The following SUZ12 variants were observed in gnomAD, a reference collection of about 807,000 sequenced individuals.
SUZ12 encodes the protein SUZ12 polycomb repressive complex 2 subunit.
A neutral mutation model predicts 87.3 loss-of-function variants in SUZ12; 17 were observed. The observed-to-expected ratio is 0.19, with a 90% CI of 0.13 to 0.29. SUZ12 has a LOEUF of 0.29. Among genes scored for constraint, SUZ12 ranks in the 10% least tolerant of loss-of-function variants. The probability of loss-of-function intolerance (pLI) is 1.00; values close to 1 mark genes in which losing one functional copy is unlikely to be tolerated. For missense variants in SUZ12, 526 were observed against 912.2 expected (o/e 0.58, Z 5.45); for synonymous variants, 253 against 312.4 (o/e 0.81, Z 2.01).
chr17:31,998,684 A>T lies in SUZ12; in HGVS notation c.1901A>T (p.His634Leu), dbSNP rs1910109107. The T allele has an allele frequency of 1.3e-6, 2 of 1,567,818 alleles. No homozygotes were observed. The highest frequency in any genetic ancestry group is 1.4e-5 in the African/African-American group (1 of 72,928). Residue 634 changes from histidine to leucine, a missense_variant, in exon 16 of 16, where the codon CAT becomes CTT. Physicochemically the swap from His to Leu is moderately conservative, Grantham distance 99. Transcript: ENST00000322652. ...TTTATTGCTGACAATCAAATGAATCATGCCTGTATGCTGTTTGTAGAAAAT... is the reference window on the plus strand; with the variant it reads ...TTTATTGCTGACAATCAAATGAATCTTGCCTGTATGCTGTTTGTAGAAAAT... ...HGFIADNQMN[H>L]ACMLFVENYG...
intron 4 of SUZ12, among the ~76,000 whole-genome samples, chr17:31,949,676 C>CTTTTTTTTTTTTTTTT (rs71360790): frequency 8.1e-5 from 1 of 12,388 alleles, no homozygotes; most frequent in African/African-American, 3.5e-4. Context: ...CCCCCCCCCC[C>CTTTTTTTTTTTTTTTT]TTTTTTTTTT....
At chr17:31,978,868 G>A (rs1249804710) in intron 8 of SUZ12, among the ~76,000 whole-genome samples, 28 of 152,056 alleles carry the variant, frequency 1.8e-4, no homozygotes, top group Non-Finnish European at 1.5e-5. Context: ...AGCACTTTGG[G>A]AGGCTGAGGC....
In SUZ12 at chr17:31,994,548, T is replaced by G. The variant is rs1557731; in HGVS notation, c.1438-16T>G. On this transcript the variant is annotated splice_polypyrimidine_tract_variant and intron_variant, in intron 12 of 15. Transcript: ENST00000322652. ...AGGATACTTAATATATTTTTTTTTT[T>G]ACATTTTTGTTGCAGTATCATCCAA... 0.15 allele frequency: 228,090 copies of G among 1,562,144 alleles called. 18,280 individuals are homozygous for G. Among genetic ancestry groups the G allele is most frequent in the African/African-American group, 0.31 (22,572 of 72,880 alleles).
rs2142222974 is a variant in SUZ12 at position 31,999,110 on chromosome 17, GT to G, written c.*109del. 2.3e-6 allele frequency: 2 copies of G among 881,766 alleles called. No homozygotes were observed. Among genetic ancestry groups the G allele is most frequent in the South Asian group, 4.5e-5 (2 of 44,400 alleles). The allele number at this position is 881,766 out of a possible 1,614,324, so 54.6% of individuals were successfully genotyped here. A position where few individuals can be genotyped will look rare whatever the true frequency, so the allele number is the denominator to read the frequency against. On this transcript the variant is annotated 3_prime_UTR_variant, in exon 16 of 16. Coordinates refer to ENST00000322652, the MANE Select transcript of SUZ12 (RefSeq NM_015355.4). ...TAATCATATGTTCCAAACAGGCACT[GT>G]TAGATGAAGTAAATGATTTCAACAA... is the stretch of plus-strand genomic sequence containing the variant.
chr17:31,999,184 T>G lies in SUZ12; in HGVS notation c.*181T>G. ...CTTCACTTCATTATGCAGCATTACA[T>G]GTATATCACTTTTATTGATGTCATT... On this transcript the variant is annotated 3_prime_UTR_variant, in exon 16 of 16. Transcript: ENST00000322652. 2.2e-6 allele frequency: 1 copy of G among 451,214 alleles called. No individual in the cohort carries two copies. Among genetic ancestry groups the G allele is most frequent in the Non-Finnish European group, 3.9e-6 (1 of 258,178 alleles). The allele number at this position is 451,214 out of a possible 1,614,324, so 28.0% of individuals were successfully genotyped here.
intron 10 of SUZ12, among the ~76,000 whole-genome samples, chr17:31,989,296 CCT>C (rs1361031061): frequency 1.3e-5 from 2 of 151,838 alleles, no homozygotes; most frequent in African/African-American, 2.4e-5. Context: ...TTAAGGTTCT[CCT>C]ATATTAAGTG....
At chr17:31,940,391 A>C in intron 2 of SUZ12, 31 bp from the exon 3 acceptor site, 1 of 1,585,106 alleles carries the variant, frequency 6.3e-7, no homozygotes, top group Non-Finnish European at 8.5e-7. Flanking sequence ...ATCTGTATTC[A>C]ATTTTAACAT....
chr17:31,986,372 A>C (rs1909420730), intron 9 of SUZ12, among the ~76,000 whole-genome samples: 1 of 152,168 alleles, frequency 6.6e-6, no homozygotes, highest in East Asian at 1.9e-4. Flanking sequence ...TGACTAAACC[A>C]GTGCTGGTCT....
At chr17:31,964,838 C>T (rs537757642) in intron 4 of SUZ12, among the ~76,000 whole-genome samples, 11 of 151,968 alleles carry the variant, frequency 7.2e-5, no homozygotes, top group Non-Finnish European at 1.3e-4. Context: ...GGAATCCAGT[C>T]GGGCTCGGTG....
At chr17:31,938,075 G>A (rs1176176313) in intron 1 of SUZ12, among the ~76,000 whole-genome samples, 1 of 151,834 alleles carries the variant, frequency 6.6e-6, no homozygotes, top group African/African-American at 2.4e-5. Context: ...TATGTAAACT[G>A]AGCCAGAGAG....
intron 4 of SUZ12, among the ~76,000 whole-genome samples, chr17:31,951,329 A>G (rs1049976031): frequency 6.6e-6 from 1 of 152,182 alleles, no homozygotes; most frequent in African/African-American, 2.4e-5. Flanking sequence ...TAATTTATAA[A>G]CTAAACCAAG....
rs2142112090 is a variant in SUZ12, at chr17:31,937,050, G to C, written c.-197G>C. The stretch of plus-strand genomic sequence containing the variant: ...GGTGAGCGGCCTCCGAAGCGGAGCG[G>C]GGCTCTGAGGAGACACTTTTTTTTT... On this transcript the variant is annotated 5_prime_UTR_variant, in exon 1 of 16. Coordinates refer to ENST00000322652, the MANE Select transcript of SUZ12 (RefSeq NM_015355.4). 1 of 458,296 alleles carries C rather than the reference G, an allele frequency of 2.2e-6. No homozygotes were observed. Among genetic ancestry groups the C allele is most frequent in the Non-Finnish European group, 3.7e-6 (1 of 272,070 alleles). 28.4% of individuals were successfully genotyped at this position (458,296 alleles called of 1,614,324 possible). A position where few individuals can be genotyped will look rare whatever the true frequency, so the allele number is the denominator to read the frequency against.
chr17:31,977,437 G>A (rs1439106592), intron 8 of SUZ12, among the ~76,000 whole-genome samples: 5 of 151,968 alleles, frequency 3.3e-5, no homozygotes, highest in African/African-American at 4.8e-5. Context: ...GTGCCACCAC[G>A]CCCAGCTAAT....
intron 8 of SUZ12, 137 bp from the exon 9 acceptor site, chr17:31,982,862 A>G (rs1357862791): frequency 9.7e-6 from 12 of 1,231,254 alleles, no homozygotes; most frequent in Non-Finnish European, 1.3e-5. Flanking sequence ...GTGTAGCTGT[A>G]TTTTTAAAAT....
At chr17:31,939,599 C>T (rs1181717899) in intron 1 of SUZ12, among the ~76,000 whole-genome samples, 6 of 151,652 alleles carry the variant, frequency 4.0e-5, no homozygotes, top group African/African-American at 4.8e-5. Context: ...TCTCGGCTCA[C>T]GGCAGCCTCC....
At chr17:31,971,534 A>G (rs1908432456) in intron 5 of SUZ12, among the ~76,000 whole-genome samples, 1 of 151,026 alleles carries the variant, frequency 6.6e-6, no homozygotes, top group Non-Finnish European at 1.5e-5. Flanking sequence ...CCCTGGTTCA[A>G]GCAGTTCTGC....
At chr17:31,966,962 C>T (rs1908127245) in intron 5 of SUZ12, 2 of 151,906 alleles carry the variant, frequency 1.3e-5, no homozygotes, top group East Asian at 2.0e-4. Flanking sequence ...GCGGGTGTAT[C>T]ATGAGGTCAG....
At chr17:31,967,858 C>T in intron 5 of SUZ12, among the ~76,000 whole-genome samples, 1 of 152,106 alleles carries the variant, frequency 6.6e-6, no homozygotes, top group East Asian at 1.9e-4. Flanking sequence ...AGAGTGAGAC[C>T]TTGTCTCCAA....
At chr17:31,981,370 A>C (rs995172040) in intron 8 of SUZ12, among the ~76,000 whole-genome samples, 1 of 152,220 alleles carries the variant, frequency 6.6e-6, no homozygotes, top group Non-Finnish European at 1.5e-5. Flanking sequence ...AATTAAAAGT[A>C]CACTGAGATG....
Sources: allele counts gnomAD v4.1 joint callset (sites outside exome capture counted in the v4.1 genomes callset), GRCh38; gene constraint gnomAD v4.1.1; transcripts MANE v1.5; gene names NCBI Gene and HGNC (gene_info 2026-07-23, HGNC 2026-07-21).